FCRL4: variants seen among roughly 807,000 people sequenced by gnomAD.
The protein encoded by FCRL4 is Fc receptor like 4.
In FCRL4, 43 loss-of-function variants were observed where a neutral mutation model predicts 64.1. That is an observed-to-expected ratio of 0.67 (90% CI 0.53 to 0.87). The LOEUF (loss-of-function observed/expected upper bound fraction) is 0.87. Ranked by LOEUF, FCRL4 falls within the 40% of genes least tolerant of loss-of-function variation. The probability of loss-of-function intolerance (pLI) is 0.00; values close to 1 mark genes in which losing one functional copy is unlikely to be tolerated. For synonymous variants in FCRL4, 253 were observed against 239.8 expected (o/e 1.05, Z -0.51); for missense variants, 656 against 613.5 (o/e 1.07, Z -0.73).
rs1395328462 is a variant in FCRL4, at chr1:157,594,982, T to C, written c.52+1346A>G. 2.0e-5 allele frequency among the ~76,000 whole-genome samples: 3 copies of C among 152,206 alleles called. No individual in the cohort carries two copies. In the East Asian group the frequency reaches 5.8e-4, roughly 29 times the overall value. ...GGCCTGATCTCAGCTCATTGCAACC[T>C]CCACCTCCTGGGTTCAAGTGATTCT... is the stretch of plus-strand genomic sequence containing the variant. On this transcript the variant is annotated intron_variant, in intron 2 of 11. Coordinates refer to ENST00000271532, the MANE Select transcript of FCRL4 (RefSeq NM_031282.3).
In FCRL4 at chr1:157,587,920, T is replaced by G. The variant is rs1246032873; in HGVS notation, c.507A>C (p.Gly169=). ...TAAATACATCATTCTCGTCTCCATA[T>G]CCAATGCATCGATAATTGCCATTGT... ...SNNNGNYRCI[G]YGDENDVFRS... is the part of the protein sequence containing the mutation. The change falls in exon 4 of 12, where the codon GGA becomes GGC. Residue 169 remains glycine, a synonymous_variant. Coordinates refer to ENST00000271532, the MANE Select transcript of FCRL4 (RefSeq NM_031282.3). 6.8e-6 allele frequency: 11 copies of G among 1,611,026 alleles called. No individual in the cohort carries two copies. The highest frequency in any genetic ancestry group is 9.3e-6 in the Non-Finnish European group (11 of 1,177,702).
intron 9 of FCRL4, 84 bp downstream of exon 9, chr1:157,578,686 G>C: frequency 6.9e-7 from 1 of 1,456,718 alleles, no homozygotes; most frequent in Non-Finnish European, 9.6e-7. Flanking sequence ...ACTTTAGGGA[G>C]TCCAGGGGCA....
intron 1 of FCRL4, 98 bp from the exon 2 acceptor site, chr1:157,596,446 G>A (rs1184101058): frequency 1.6e-5 from 22 of 1,361,998 alleles, no homozygotes; most frequent in Non-Finnish European, 2.2e-5. Context: ...CCAACCAAGA[G>A]GAAGAGAAAC....
intron 1 of FCRL4, among the ~76,000 whole-genome samples, chr1:157,597,203 C>A (rs1652984481): frequency 6.6e-6 from 1 of 152,176 alleles, no homozygotes; most frequent in Non-Finnish European, 1.5e-5. Flanking sequence ...GCCAAGTATA[C>A]CCATCCACTC....
At chr1:157,578,688 C>T (rs1652474451) in intron 9 of FCRL4, 82 bp downstream of exon 9, 5 of 1,466,418 alleles carry the variant, frequency 3.4e-6, no homozygotes, top group South Asian at 2.3e-5. Context: ...TTTAGGGAGT[C>T]CAGGGGCATT....
At chr1:157,580,148 T>C (rs1219976247) in intron 8 of FCRL4, among the ~76,000 whole-genome samples, 173 bp downstream of exon 8, 1 of 152,242 alleles carries the variant, frequency 6.6e-6, no homozygotes, top group Admixed American at 6.5e-5. Flanking sequence ...AACTATTAGC[T>C]GACAAGCAAA....
intron 7 of FCRL4, 69 bp downstream of exon 7, chr1:157,581,462 A>T (rs974147438): frequency 2.2e-6 from 3 of 1,345,860 alleles, no homozygotes; most frequent in Non-Finnish European, 3.2e-6. Context: ...GTGGCCACTA[A>T]GGCTGTCTGC....
At chr1:157,580,045 A>G (rs1652525598) in intron 8 of FCRL4, among the ~76,000 whole-genome samples, 1 of 152,394 alleles carries the variant, frequency 6.6e-6, no homozygotes, top group Non-Finnish European at 1.5e-5. Flanking sequence ...TTATAGTACA[A>G]GAAATATTCT....
At chr1:157,593,574 T>C (rs563146211) in intron 2 of FCRL4, among the ~76,000 whole-genome samples, 2 of 152,332 alleles carry the variant, frequency 1.3e-5, no homozygotes, top group South Asian at 4.1e-4. Context: ...GCATGGGCTG[T>C]ATCTAATTGG....
Position 157,587,870 on chromosome 1 carries a change from A to T in FCRL4, c.557T>A (p.Ile186Asn). The T allele has an allele frequency of 6.2e-7, 1 of 1,604,330 alleles. No homozygotes were observed. Among genetic ancestry groups the T allele is most frequent in the Non-Finnish European group, 8.5e-7 (1 of 1,172,906 alleles). ...VFRSNFKIIK[I>N]QELFPHPELK... Reference sequence around the variant, plus strand: ...ATATGAACTGAAAGATTCACCTTGAATTTTAATTATTTTGAAATTTGATCT... The same window carrying T: ...ATATGAACTGAAAGATTCACCTTGATTTTTAATTATTTTGAAATTTGATCT... Residue 186 changes from isoleucine (I) to asparagine (N), a missense_variant, in exon 4 of 12, where the codon ATT (isoleucine) becomes AAT (asparagine). By Grantham distance (149) the Ile-to-Asn change is moderately radical. Transcript: ENST00000271532.
chr1:157,598,083 A>G lies in FCRL4; in HGVS notation c.-139T>C. 4.7e-6 allele frequency: 3 copies of G among 634,672 alleles called. No individual in the cohort carries two copies. The highest frequency in any genetic ancestry group is 8.7e-6 in the Non-Finnish European group (3 of 346,286). 39.3% of individuals were successfully genotyped at this position (634,672 alleles called of 1,614,324 possible). Reference sequence around the variant, plus strand: ...TTCTCTGCATAAAGCTGATTGAGATAATGAAGTGAAAGGGGGAAGTAGAGG... The same window carrying G: ...TTCTCTGCATAAAGCTGATTGAGATGATGAAGTGAAAGGGGGAAGTAGAGG... On this transcript the variant is annotated 5_prime_UTR_variant, in exon 1 of 12. Transcript: ENST00000271532.
Position 157,575,496 on chromosome 1 carries a change from T to C in FCRL4, c.*28A>G, listed in dbSNP as rs1460579862. The C allele has an allele frequency of 1.9e-6, 3 of 1,557,846 alleles. No individual in the cohort carries two copies. The highest frequency in any genetic ancestry group is 2.6e-6 in the Non-Finnish European group (3 of 1,132,176). ...TTGGACAAGGGAGAAATCACATGAG[T>C]AGGACGTTCTCGTAACTTTTCATTC... On this transcript the variant is annotated 3_prime_UTR_variant, in exon 12 of 12. Transcript: ENST00000271532.
In FCRL4 at chr1:157,574,219, C is replaced by A. The variant is rs1258032774; in HGVS notation, c.*1305G>T. On this transcript the variant is annotated 3_prime_UTR_variant, in exon 12 of 12. Coordinates refer to ENST00000271532, the MANE Select transcript of FCRL4 (RefSeq NM_031282.3). ...TCTTCTTTTTATTTCATTTTTTTCC[C>A]ATTTATTTGTTATAGAAGCCAGGTG... The A allele has an allele frequency of 2.7e-5, 6 of 220,008 alleles. No homozygotes were observed. The highest frequency in any genetic ancestry group is 5.4e-5 in the Non-Finnish European group (6 of 110,198). The allele number at this position is 220,008 out of a possible 1,614,324, so 13.6% of individuals were successfully genotyped here.
intron 4 of FCRL4, 82 bp downstream of exon 4, chr1:157,587,783 T>C: frequency 2.9e-6 from 4 of 1,378,086 alleles, no homozygotes; most frequent in Non-Finnish European, 4.0e-6. Context: ...GTTTCAATAG[T>C]AACCCGTAAA....
chr1:157,585,344 C>CTCTCTTTCTT lies in FCRL4; in HGVS notation c.1135+823_1135+824insAAGAAAGAGA, dbSNP rs1386601138. On this transcript the variant is annotated intron_variant, in intron 6 of 11. Transcript: ENST00000271532. ...CTTCCTTCTCTCTTTCTTTCTCTCT[C>CTCTCTTTCTT]TCTTTCTTTCTTTCTTTCTTTCTTT... is the stretch of plus-strand genomic sequence containing the variant. 1.2e-3 allele frequency among the ~76,000 whole-genome samples: 94 copies of CTCTCTTTCTT among 81,288 alleles called. 1 individual carries two copies. The highest frequency in any genetic ancestry group is 2.9e-3 in the African/African-American group (67 of 22,754). 53.3% of individuals were successfully genotyped at this position (81,288 alleles called of 152,430 possible).
Position 157,596,332 on chromosome 1 carries a change from T to C in FCRL4, c.48A>G (p.Gln16=), listed in dbSNP as rs928974306. The change falls in exon 2 of 12, where the codon CAA becomes CAG. Residue 16 remains glutamine (Q), a synonymous_variant. Coordinates refer to ENST00000271532, the MANE Select transcript of FCRL4 (RefSeq NM_031282.3). ...SLLAFAPVCG[Q]SAAAHKPVIS... is the part of the protein sequence containing the mutation. ...GCAAAGAAAATAAGGACTTACCAGA[T>C]TGTCCACAGACTGGAGCTGAAAGAG... 3 of 1,613,882 alleles carry C rather than the reference T, an allele frequency of 1.9e-6. No homozygotes were observed. The highest frequency in any genetic ancestry group is 1.3e-5 in the African/African-American group (1 of 74,906).
chr1:157,585,598 A>G (rs1214763878), intron 6 of FCRL4, among the ~76,000 whole-genome samples: 1 of 152,014 alleles, frequency 6.6e-6, no homozygotes, highest in Non-Finnish European at 1.5e-5. Context: ...ATCCCAAAGT[A>G]AGGCTTCTCT....
chr1:157,589,221 C>T lies in FCRL4; in HGVS notation c.290G>A (p.Arg97His), dbSNP rs200366937. Residue 97 changes from arginine to histidine, a missense_variant, in exon 3 of 12, where the codon CGC (arginine) becomes CAC (histidine). By Grantham distance (29) the Arg-to-His change is conservative (BLOSUM62 0). Transcript: ENST00000271532. Reference protein sequence around the residue: ...ARGSPRSNPVRLLFSSDSLIL... With the variant: ...ARGSPRSNPVHLLFSSDSLIL... The stretch of plus-strand genomic sequence containing the variant: ...TTTCTCACCTGAAGAAAAGAGCAAG[C>T]GCACAGGGTTACTTCGTGGGGAGCC... The T allele has an allele frequency of 5.6e-5, 90 of 1,613,688 alleles. No homozygotes were observed. Among genetic ancestry groups the T allele is most frequent in the Middle Eastern group, 1.7e-4 (1 of 6,060 alleles).
At chr1:157,583,201 G>C (rs1376199345) in intron 6 of FCRL4, among the ~76,000 whole-genome samples, 2 of 152,122 alleles carry the variant, frequency 1.3e-5, no homozygotes, top group Admixed American at 6.6e-5. Context: ...AAAGTGCTTT[G>C]AACAGTGCCT....
Sources: gnomAD v4.1 joint callset for allele counts (sites outside exome capture counted in the v4.1 genomes callset) on GRCh38, gnomAD v4.1.1 for gene constraint, MANE v1.5 for transcripts, NCBI Gene and HGNC (gene_info 2026-07-23, HGNC 2026-07-21) for gene names.